AHCYL2: variants seen among roughly 807,000 people sequenced by gnomAD.
AHCYL2 encodes S-adenosylhomocysteine hydrolase-like protein 2.
A neutral mutation model predicts 81.4 loss-of-function variants in AHCYL2; 28 were observed. The ratio of observed to expected loss-of-function variants is 0.34; its 90% CI spans 0.25 to 0.47. AHCYL2 has a LOEUF of 0.47. Ranked by LOEUF, AHCYL2 falls within the 20% of genes least tolerant of loss-of-function variation. The pLI is 1.00. For synonymous variants in AHCYL2, 272 were observed against 290.2 expected (o/e 0.94, Z 0.64); for missense variants, 551 against 785.1 (o/e 0.70, Z 3.56).
intron 1 of AHCYL2, among the ~76,000 whole-genome samples, chr7:129,320,083 G>A (rs1032420613): frequency 7.2e-5 from 11 of 152,118 alleles, no homozygotes; most frequent in Admixed American, 5.2e-4. Flanking sequence ...TAATGGGTGT[G>A]TAGTGGTTTT....
chr7:129,311,515 G>A (rs570377367), intron 1 of AHCYL2, among the ~76,000 whole-genome samples: 1 of 152,110 alleles, frequency 6.6e-6, no homozygotes, highest in African/African-American at 2.4e-5. Context: ...TCAAAACTTA[G>A]CATGTCAAAA....
At chr7:129,362,956 C>G (rs1244475694) in intron 1 of AHCYL2, among the ~76,000 whole-genome samples, 6 of 152,032 alleles carry the variant, frequency 3.9e-5, no homozygotes, top group Non-Finnish European at 8.8e-5. Context: ...TTGTCCCTTC[C>G]CCTTTGGCCC....
chr7:129,277,898 G>A (rs1796281623), intron 1 of AHCYL2, among the ~76,000 whole-genome samples: 1 of 152,170 alleles, frequency 6.6e-6, no homozygotes, highest in Non-Finnish European at 1.5e-5. Flanking sequence ...ATGCTTCTGT[G>A]AACATTTATT....
intron 1 of AHCYL2, among the ~76,000 whole-genome samples, chr7:129,365,363 T>C (rs550162026): frequency 4.6e-4 from 70 of 152,226 alleles, no homozygotes; most frequent in African/African-American, 1.6e-3. Flanking sequence ...AGCATGATAA[T>C]AACATAATTA....
chr7:129,248,082 C>A (rs1795122213), intron 1 of AHCYL2, among the ~76,000 whole-genome samples: 1 of 152,196 alleles, frequency 6.6e-6, no homozygotes, highest in African/African-American at 2.4e-5. Flanking sequence ...TATCCCAGCA[C>A]CATTAGTTGA....
intron 1 of AHCYL2, among the ~76,000 whole-genome samples, chr7:129,331,819 G>A (rs1488059969): frequency 1.3e-5 from 2 of 151,636 alleles, no homozygotes; most frequent in African/African-American, 4.8e-5. Context: ...TCCAGCCTGG[G>A]CAACAGAGTG....
chr7:129,348,274 AAG>A (rs1159559566), intron 1 of AHCYL2, among the ~76,000 whole-genome samples: 3 of 152,224 alleles, frequency 2.0e-5, no homozygotes, highest in Non-Finnish European at 4.4e-5. Flanking sequence ...AGAAGTTAAA[AAG>A]AGTGAGGCAA....
chr7:129,363,979 C>G (rs2150846652), intron 1 of AHCYL2, among the ~76,000 whole-genome samples: 1 of 151,838 alleles, frequency 6.6e-6, no homozygotes, highest in East Asian at 1.9e-4. Context: ...GTCTGTAATC[C>G]CAGCACTTTG....
intron 6 of AHCYL2, among the ~76,000 whole-genome samples, chr7:129,400,909 C>A (rs1366637138): frequency 6.6e-6 from 1 of 151,994 alleles, no homozygotes; most frequent in African/African-American, 2.4e-5. Context: ...ATATTCTTTC[C>A]CCACATTAAA....
intron 10 of AHCYL2, among the ~76,000 whole-genome samples, chr7:129,408,018 T>C (rs1796384671): frequency 6.6e-6 from 1 of 152,206 alleles, no homozygotes; most frequent in Non-Finnish European, 1.5e-5. Context: ...AATATTTTAA[T>C]GTAGTTGGCA....
intron 1 of AHCYL2, among the ~76,000 whole-genome samples, chr7:129,344,126 C>T (rs1025399043): frequency 6.6e-6 from 1 of 152,148 alleles, no homozygotes; most frequent in Non-Finnish European, 1.5e-5. Flanking sequence ...GTGACAATAG[C>T]TACTACTGAT....
chr7:129,303,942 C>T (rs576380938), intron 1 of AHCYL2, among the ~76,000 whole-genome samples: 5 of 152,052 alleles, frequency 3.3e-5, no homozygotes, highest in African/African-American at 7.2e-5. Flanking sequence ...AAAAATTAGT[C>T]GGGCATTGGT....
intron 12 of AHCYL2, among the ~76,000 whole-genome samples, chr7:129,418,986 G>A (rs1796988418): frequency 6.6e-6 from 1 of 152,132 alleles, no homozygotes; most frequent in Non-Finnish European, 1.5e-5. Context: ...TGAAACTGTG[G>A]GAGAATGATT....
intron 13 of AHCYL2, among the ~76,000 whole-genome samples, chr7:129,424,538 G>A (rs1207735092): frequency 3.3e-5 from 5 of 152,176 alleles, no homozygotes; most frequent in Non-Finnish European, 7.3e-5. Context: ...AAGAAATGCC[G>A]ATCCTCAGAA....
At chr7:129,287,675 A>C (rs1171750521) in intron 1 of AHCYL2, among the ~76,000 whole-genome samples, 3 of 152,220 alleles carry the variant, frequency 2.0e-5, no homozygotes, top group Admixed American at 1.3e-4. Context: ...ATTGGATTTG[A>C]AAGTCAGATG....
At chr7:129,259,874 C>T (rs1455257863) in intron 1 of AHCYL2, among the ~76,000 whole-genome samples, 7 of 152,186 alleles carry the variant, frequency 4.6e-5, no homozygotes, top group East Asian at 1.9e-4. Context: ...GTCAGGAGTT[C>T]GAGACCAGCC....
chr7:129,310,684 T>C (rs1797623963), intron 1 of AHCYL2, among the ~76,000 whole-genome samples: 1 of 152,180 alleles, frequency 6.6e-6, no homozygotes, highest in Non-Finnish European at 1.5e-5. Context: ...GTGAGAGACA[T>C]TATTTGTAGG....
chr7:129,352,842 C>T (rs1241125911), intron 1 of AHCYL2, among the ~76,000 whole-genome samples: 1 of 151,480 alleles, frequency 6.6e-6, no homozygotes, highest in Non-Finnish European at 1.5e-5. Flanking sequence ...CACTCCATTG[C>T]TTAAAATCCT....
At chr7:129,414,154 G>A (rs964283513) in intron 12 of AHCYL2, among the ~76,000 whole-genome samples, 1 of 152,170 alleles carries the variant, frequency 6.6e-6, no homozygotes, top group Non-Finnish European at 1.5e-5. Flanking sequence ...GATTGACTGT[G>A]TGTATCAAAT....
Sources: allele counts gnomAD v4.1 joint callset (sites outside exome capture counted in the v4.1 genomes callset), GRCh38; gene constraint gnomAD v4.1.1; transcripts MANE v1.5; gene names NCBI Gene and HGNC (gene_info 2026-07-23, HGNC 2026-07-21).